SIK3: variants seen among roughly 807,000 people sequenced by gnomAD.
SIK3 encodes SIK family kinase 3.
SIK3 carries 28 observed loss-of-function variants against 144.2 expected under a neutral mutation model. The observed-to-expected ratio is 0.19, with a 90% CI of 0.14 to 0.27. The LOEUF is 0.27. SIK3 is among the 10% of genes least tolerant of loss of function. SIK3 has a pLI of 1.00. For missense variants in SIK3, 1,319 were observed against 1,776.0 expected, an observed-to-expected ratio of 0.74 and a Z score of 4.62; for synonymous variants, 686 against 676.3, an observed-to-expected ratio of 1.01 and a Z score of -0.22.
intron 1 of SIK3, 60 bp downstream of exon 1, chr11:117,098,083 G>T (rs1015475791): frequency 7.8e-7 from 1 of 1,274,292 alleles, no homozygotes; most frequent in Non-Finnish European, 1.0e-6. Flanking sequence ...CCGGCTGGGG[G>T]GCGCGGACCT....
intron 19 of SIK3, 38 bp downstream of exon 19, chr11:116,861,236 C>T: frequency 7.1e-7 from 1 of 1,411,224 alleles, no homozygotes; most frequent in Non-Finnish European, 9.9e-7. Context: ...TCCCATGTGG[C>T]ATAAAATGAA....
intron 1 of SIK3, among the ~76,000 whole-genome samples, chr11:117,061,016 G>T (rs139526956): frequency 6.6e-6 from 1 of 152,200 alleles, no homozygotes; most frequent in Non-Finnish European, 1.5e-5. Flanking sequence ...GGAGGCTGAG[G>T]TGAAGGGATC....
At chr11:117,086,588 G>A (rs552841978) in intron 1 of SIK3, among the ~76,000 whole-genome samples, 2 of 152,216 alleles carry the variant, frequency 1.3e-5, no homozygotes, top group Admixed American at 6.5e-5. Context: ...CTACCTGGGA[G>A]GCTGAGGCAG....
intron 1 of SIK3, among the ~76,000 whole-genome samples, chr11:117,012,488 A>G (rs1951305159): frequency 6.6e-6 from 1 of 152,212 alleles, no homozygotes; most frequent in Non-Finnish European, 1.5e-5. Flanking sequence ...CTTTAACTTC[A>G]GACTACTTTT....
At chr11:117,032,367 A>G (rs1463680494) in intron 1 of SIK3, among the ~76,000 whole-genome samples, 5 of 152,242 alleles carry the variant, frequency 3.3e-5, no homozygotes, top group African/African-American at 4.8e-5. Flanking sequence ...GTATACAAGT[A>G]AGTCCTATAT....
At chr11:117,059,146 G>C (rs1463419276) in intron 1 of SIK3, among the ~76,000 whole-genome samples, 2 of 152,188 alleles carry the variant, frequency 1.3e-5, no homozygotes, top group African/African-American at 2.4e-5. Context: ...TCCAGAAGTG[G>C]ACGTTTGGCC....
chr11:116,874,978 T>C (rs1263299196), intron 11 of SIK3, among the ~76,000 whole-genome samples, 180 bp downstream of exon 11: 1 of 152,228 alleles, frequency 6.6e-6, no homozygotes, highest in East Asian at 1.9e-4. Context: ...TGGATCCTTA[T>C]TCATTTAAAT....
chr11:116,875,842 T>C (rs1201564516), intron 9 of SIK3, 24 bp downstream of exon 9: 2 of 1,589,644 alleles, frequency 1.3e-6, no homozygotes, highest in Non-Finnish European at 1.7e-6. Flanking sequence ...TGTCCTGAAC[T>C]AGGTCACTGG....
At chr11:116,993,686 T>C (rs1001074565) in intron 1 of SIK3, among the ~76,000 whole-genome samples, 1 of 152,096 alleles carries the variant, frequency 6.6e-6, no homozygotes, top group African/African-American at 2.4e-5. Flanking sequence ...TGAACAGACG[T>C]CAGCAGGGTG....
chr11:116,959,578 T>C (rs1949267404), intron 1 of SIK3, among the ~76,000 whole-genome samples: 1 of 152,216 alleles, frequency 6.6e-6, no homozygotes, highest in Admixed American at 6.5e-5. Context: ...GGTTAACTTA[T>C]GAAATTTGTG....
chr11:116,907,937 C>T (rs986564121), intron 4 of SIK3, among the ~76,000 whole-genome samples: 1 of 150,470 alleles, frequency 6.6e-6, no homozygotes, highest in African/African-American at 2.5e-5. Context: ...AAATTAATTC[C>T]AGGTGGATTA....
At chr11:116,984,688 A>C (rs1204535391) in intron 1 of SIK3, among the ~76,000 whole-genome samples, 1 of 147,122 alleles carries the variant, frequency 6.8e-6, no homozygotes, top group African/African-American at 2.6e-5. Flanking sequence ...GTTGGAAAAA[A>C]AGCAACACAC....
At chr11:117,051,528 T>C (rs1185140344) in intron 1 of SIK3, among the ~76,000 whole-genome samples, 1 of 152,016 alleles carries the variant, frequency 6.6e-6, no homozygotes, top group East Asian at 1.9e-4. Context: ...GGGGTTTTTT[T>C]CCTTGTTTTT....
intron 4 of SIK3, among the ~76,000 whole-genome samples, chr11:116,898,286 C>T (rs948729389): frequency 8.3e-4 from 126 of 152,206 alleles, no homozygotes; most frequent in African/African-American, 3.0e-3. Flanking sequence ...CATCCATGTC[C>T]CTACAAAGGA....
intron 1 of SIK3, among the ~76,000 whole-genome samples, chr11:117,035,271 G>T (rs1325123795): frequency 2.0e-5 from 3 of 152,148 alleles, no homozygotes; most frequent in African/African-American, 7.2e-5. Context: ...ATGAGGAAAT[G>T]AGGAATTTTT....
rs1944104657 is a variant in SIK3, at chr11:116,873,925, G to T, written c.1559C>A (p.Pro520Gln). ...TACCTTGTACTCAAGTTGCCCGGTTGGTTGCAAGTTTTGCATAGGCAACAG... is the reference window on the plus strand; with the variant it reads ...TACCTTGTACTCAAGTTGCCCGGTTTGTTGCAAGTTTTGCATAGGCAACAG... ...HNLLPMQNLQ[P>Q]TGQLEYKEQS... The change falls in exon 12 of 25, where the codon CCA becomes CAA. Residue 520 changes from proline (P) to glutamine (Q), a missense_variant. Coordinates refer to ENST00000445177, the MANE Select transcript of SIK3 (RefSeq NM_001366686.3). The T allele has an allele frequency of 5.6e-6, 9 of 1,613,038 alleles. No homozygotes were observed. The highest frequency in any genetic ancestry group is 7.6e-6 in the Non-Finnish European group (9 of 1,179,582).
At chr11:117,089,402 G>A (rs1274203739) in intron 1 of SIK3, among the ~76,000 whole-genome samples, 14 of 137,196 alleles carry the variant, frequency 1.0e-4, no homozygotes, top group South Asian at 5.0e-4. Flanking sequence ...GTGAGACTCC[G>A]TCTCAAAAAA....
chr11:117,006,699 AG>A (rs1243373566), intron 1 of SIK3, among the ~76,000 whole-genome samples: 9 of 152,180 alleles, frequency 5.9e-5, no homozygotes, highest in African/African-American at 1.7e-4. Context: ...AAATGGTAAA[AG>A]GAAAGCATGG....
Position 116,957,056 on chromosome 11 carries a change from G to T in SIK3, c.282C>A (p.Ile94=), listed in dbSNP as rs765832785. Residue 94 remains isoleucine (I), a synonymous_variant, in exon 2 of 25, where the codon ATC becomes ATA. Coordinates refer to ENST00000445177, the MANE Select transcript of SIK3 (RefSeq NM_001366686.3). ...THLVTKAKVA[I]KIIDKTQLDE... ...CCAGCTGGGTCTTATCTATGATCTT[G>T]ATAGCAACCTGACAACAGAGGGAAA... is the stretch of plus-strand genomic sequence containing the variant. 2 of 1,593,664 alleles carry T rather than the reference G, an allele frequency of 1.3e-6. No homozygotes were observed. Among genetic ancestry groups the T allele is most frequent in the Non-Finnish European group, 1.7e-6 (2 of 1,171,854 alleles).
Sources: allele counts gnomAD v4.1 joint callset (sites outside exome capture counted in the v4.1 genomes callset), GRCh38; gene constraint gnomAD v4.1.1; transcripts MANE v1.5; gene names NCBI Gene and HGNC (gene_info 2026-07-23, HGNC 2026-07-21).